The following DSCAM variants were observed in gnomAD, a reference collection of about 807,000 sequenced individuals.
DSCAM encodes DS cell adhesion molecule, also known as cell adhesion molecule DSCAM.
A neutral mutation model predicts 217.7 loss-of-function variants in DSCAM; 47 were observed. That is an observed-to-expected ratio of 0.22 (90% CI 0.17 to 0.28). DSCAM has a LOEUF of 0.28. Ranked by LOEUF, DSCAM falls within the 10% of genes least tolerant of loss-of-function variation. DSCAM has a pLI of 1.00. For synonymous variants in DSCAM, 1,056 were observed against 1,015.3 expected (o/e 1.04, Z -0.76); for missense variants, 2,080 against 2,618.3 (o/e 0.79, Z 4.49).
chr21:40,568,318 TTTTTTC>T (rs2076780940), intron 3 of DSCAM, among the ~76,000 whole-genome samples: 2 of 152,168 alleles, frequency 1.3e-5, no homozygotes. Flanking sequence ...TATATATATT[TTTTTTC>T]TTTAAGATTG....
chr21:40,044,792 TG>T (rs1177175868), intron 30 of DSCAM, among the ~76,000 whole-genome samples: 1 of 152,250 alleles, frequency 6.6e-6, no homozygotes, highest in Non-Finnish European at 1.5e-5. Flanking sequence ...TTAAACTTCC[TG>T]GGCATCGTCA....
Position 40,042,938 on chromosome 21 carries a change from C to T in DSCAM, c.5384-265G>A, listed in dbSNP as rs569088264. The stretch of plus-strand genomic sequence containing the variant: ...TTGGGACATTTCCATAAATAAATAA[C>T]GCCTTCCCTTTAAAAAAAATCCTGC... On this transcript the variant is annotated intron_variant, in intron 31 of 32. Transcript: ENST00000400454. Among the ~76,000 whole-genome samples the T allele has an allele frequency of 1.8e-4, 26 of 147,884 alleles. No individual in the cohort carries two copies. In the South Asian group the frequency reaches 2.1e-3, roughly 12 times the overall value.
At chr21:40,674,285 T>A (rs1407428332) in intron 3 of DSCAM, among the ~76,000 whole-genome samples, 1 of 152,200 alleles carries the variant, frequency 6.6e-6, no homozygotes, top group African/African-American at 2.4e-5. Flanking sequence ...TTAGAGCTCA[T>A]AACCAACAGA....
At chr21:40,733,140 G>A (rs2091029679) in intron 1 of DSCAM, among the ~76,000 whole-genome samples, 1 of 152,192 alleles carries the variant, frequency 6.6e-6, no homozygotes, top group Admixed American at 6.5e-5. Context: ...GTGCTGGAGG[G>A]GCAAAAGGCC....
chr21:40,126,746 G>A (rs557518103), intron 19 of DSCAM, among the ~76,000 whole-genome samples: 1 of 152,306 alleles, frequency 6.6e-6, no homozygotes, highest in East Asian at 1.9e-4. Flanking sequence ...AGCCGATCAA[G>A]GGACTTTTAC....
In DSCAM at chr21:40,078,753, G is replaced by A. The variant is rs779003144; in HGVS notation, c.4645C>T (p.Arg1549Trp). The A allele has an allele frequency of 1.9e-5, 30 of 1,614,096 alleles. 1 individual carries two copies. The highest frequency in any genetic ancestry group is 2.2e-5 in the East Asian group (1 of 44,886). ...QEATWYELQM[R>W]VCNSAGCAEK... ...GCGCAGCCCGCACTGTTGCACACCC[G>A]CATCTGCAGCTCATACCAGGTGGCT... The change falls in exon 26 of 33, where the codon CGG (arginine) becomes TGG (tryptophan). Residue 1549 changes from arginine to tryptophan, a missense_variant. Around this residue, in one of 5 missense-constraint regions of DSCAM, gnomAD observed 1,144 missense variants for 1,421.1 expected, o/e 0.81. Coordinates refer to ENST00000400454, the MANE Select transcript of DSCAM (RefSeq NM_001389.5).
intron 11 of DSCAM, among the ~76,000 whole-genome samples, chr21:40,193,056 G>A (rs1215120452): frequency 1.3e-5 from 2 of 152,194 alleles, no homozygotes; most frequent in African/African-American, 4.8e-5. Context: ...AGATTGGAGA[G>A]AGAAGAGGGA....
In DSCAM at chr21:40,430,758, C is replaced by T. The variant is rs557175710; in HGVS notation, c.509-61513G>A. Among the ~76,000 whole-genome samples, 23 of 152,302 alleles carry T rather than the reference C, an allele frequency of 1.5e-4. No homozygotes were observed. The South Asian group carries it at 2.7e-3, about 18-fold the overall frequency. On this transcript the variant is annotated intron_variant, in intron 3 of 32. Coordinates refer to ENST00000400454, the MANE Select transcript of DSCAM (RefSeq NM_001389.5). ...TCTTCCTCCTGTGTAGCTTTACTGC[C>T]GGCTTCGCCTCTTTGGGCCTCATTG...
At chr21:40,783,151 C>T (rs1170781981) in intron 1 of DSCAM, among the ~76,000 whole-genome samples, 1 of 152,206 alleles carries the variant, frequency 6.6e-6, no homozygotes, top group Non-Finnish European at 1.5e-5. Context: ...TCAATAACAA[C>T]ATTCCGAAGA....
intron 3 of DSCAM, among the ~76,000 whole-genome samples, chr21:40,677,626 C>T (rs951441041): frequency 2.0e-5 from 3 of 152,112 alleles, no homozygotes; most frequent in Non-Finnish European, 4.4e-5. Flanking sequence ...GATCTATTTC[C>T]CTGCCTCCCA....
At chr21:40,755,755 A>T (rs1052355448) in intron 1 of DSCAM, among the ~76,000 whole-genome samples, 2 of 152,336 alleles carry the variant, frequency 1.3e-5, no homozygotes, top group East Asian at 3.9e-4. Context: ...TGAGATGCTC[A>T]TACATCTTGA....
chr21:40,597,001 G>GA (rs137924488), intron 3 of DSCAM, among the ~76,000 whole-genome samples: 4,501 of 152,076 alleles, frequency 0.03, 186 homozygotes, highest in East Asian at 0.094. Context: ...CCCTTAAAAT[G>GA]AAAAAATGAA....
At chr21:40,159,116 C>T (rs117009657) in intron 16 of DSCAM, among the ~76,000 whole-genome samples, 1,558 of 152,316 alleles carry the variant, frequency 0.01, 13 homozygotes, top group Non-Finnish European at 0.014. Context: ...TAACCAACTT[C>T]GTCCAGCCGA....
At chr21:40,654,314 T>C (rs8129732) in intron 3 of DSCAM, among the ~76,000 whole-genome samples, 2 of 152,344 alleles carry the variant, frequency 1.3e-5, no homozygotes, top group African/African-American at 4.8e-5. Flanking sequence ...GGTTGAGTCC[T>C]AGAAGCATGC....
chr21:40,535,383 C>T (rs546595283), intron 3 of DSCAM, among the ~76,000 whole-genome samples: 8 of 152,234 alleles, frequency 5.3e-5, no homozygotes, highest in Non-Finnish European at 1.0e-4. Flanking sequence ...AATGTGATGG[C>T]GTGTGTTCAG....
chr21:40,502,076 A>C (rs2076174217), intron 3 of DSCAM, among the ~76,000 whole-genome samples: 1 of 152,172 alleles, frequency 6.6e-6, no homozygotes, highest in South Asian at 2.1e-4. Context: ...TGGGTATAGG[A>C]AAACATTTGT....
In DSCAM at chr21:40,124,196, G is replaced by C. The variant is rs1381851723; in HGVS notation, c.3695C>G (p.Thr1232Arg). 1 of 1,613,892 alleles carries C rather than the reference G, an allele frequency of 6.2e-7. No homozygotes were observed. Among genetic ancestry groups the C allele is most frequent in the Non-Finnish European group, 8.5e-7 (1 of 1,180,008 alleles). Residue 1232 changes from threonine (T) to arginine (R), a missense_variant and splice_region_variant, in exon 20 of 33, where the codon ACA becomes AGA. Physicochemically the swap from Thr to Arg is moderately conservative, Grantham distance 71 (BLOSUM62 -1). Around this residue, in one of 5 missense-constraint regions of DSCAM, gnomAD observed 1,144 missense variants for 1,421.1 expected, o/e 0.81. Coordinates refer to ENST00000400454, the MANE Select transcript of DSCAM (RefSeq NM_001389.5). ...GCACTTGGTTATTTACCAACTTACTGTGGGATAGGGGTGGGAGCAGAATAC... is the reference window on the plus strand; with the variant it reads ...GCACTTGGTTATTTACCAACTTACTCTGGGATAGGGGTGGGAGCAGAATAC... Reference protein sequence around the residue: ...YTVFCSHPYPTVISEFEASPD... With the variant: ...YTVFCSHPYPRVISEFEASPD...
chr21:40,659,156 G>C (rs2090108942), intron 3 of DSCAM, among the ~76,000 whole-genome samples: 1 of 152,114 alleles, frequency 6.6e-6, no homozygotes, highest in Non-Finnish European at 1.5e-5. Flanking sequence ...AAATAGTCGT[G>C]TTTCTAACTA....
chr21:40,734,907 G>A (rs894851002), intron 1 of DSCAM, among the ~76,000 whole-genome samples: 2 of 152,198 alleles, frequency 1.3e-5, no homozygotes, highest in African/African-American at 4.8e-5. Context: ...AAACGTGAAT[G>A]TGCTTTTGGA....
Sources: gnomAD v4.1 joint callset for allele counts (sites outside exome capture counted in the v4.1 genomes callset) on GRCh38, gnomAD v4.1.1 for gene constraint, gnomAD v4.1.1 regional missense constraint, MANE v1.5 for transcripts, NCBI Gene and HGNC (gene_info 2026-07-23, HGNC 2026-07-21) for gene names.